Variants in CUL2 observed in about 807,000 individuals in gnomAD.
CUL2 encodes the protein cullin 2, also known as cullin-2.
A neutral mutation model predicts 110.2 loss-of-function variants in CUL2; 22 were observed. The ratio of observed to expected loss-of-function variants is 0.20; its 90% CI spans 0.14 to 0.28. The LOEUF (loss-of-function observed/expected upper bound fraction) is 0.28. Among genes scored for constraint, CUL2 ranks in the 10% least tolerant of loss-of-function variants. The pLI, the probability that CUL2 is intolerant of heterozygous loss-of-function variation, is 1.00. For synonymous variants in CUL2, 279 were observed against 293.2 expected (o/e 0.95, Z 0.49); for missense variants, 631 against 905.5 (o/e 0.70, Z 3.89).
intron 15 of CUL2, 43 bp downstream of exon 15, chr10:35,029,445 T>C (rs745862194): frequency 2.6e-5 from 34 of 1,293,050 alleles, no homozygotes; most frequent in Middle Eastern, 2.7e-4. Flanking sequence ...ATCAACGTAC[T>C]GAAATGATTA....
At chr10:35,019,084 G>T (rs1288876858) in intron 17 of CUL2, among the ~76,000 whole-genome samples, 2 of 152,118 alleles carry the variant, frequency 1.3e-5, no homozygotes, top group African/African-American at 4.8e-5. Context: ...TTTAAGTTTG[G>T]AAAATGTAAG....
chr10:35,047,956 G>T (rs1197401843), intron 6 of CUL2, among the ~76,000 whole-genome samples: 1 of 151,882 alleles, frequency 6.6e-6, no homozygotes, highest in African/African-American at 2.4e-5. Context: ...AGTTAGATTA[G>T]CCCAGATGTG....
At chr10:35,096,884 A>T (rs1237177561) in intron 2 of CUL2, among the ~76,000 whole-genome samples, 2 of 148,328 alleles carry the variant, frequency 1.3e-5, no homozygotes, top group Non-Finnish European at 3.0e-5. Flanking sequence ...ATCTCAGCTC[A>T]CTGCAACCTC....
chr10:35,095,935 G>A (rs2087291723), intron 2 of CUL2, among the ~76,000 whole-genome samples: 2 of 152,098 alleles, frequency 1.3e-5, no homozygotes, highest in African/African-American at 4.8e-5. Context: ...CAGTTTTAAC[G>A]TTTGGAGTGG....
chr10:35,018,513 C>T (rs932749515), intron 17 of CUL2, among the ~76,000 whole-genome samples: 7 of 151,958 alleles, frequency 4.6e-5, no homozygotes, highest in Admixed American at 1.3e-4. Context: ...CCTGTAATCC[C>T]AGCACTTTGG....
intron 1 of CUL2, among the ~76,000 whole-genome samples, chr10:35,101,680 G>C (rs974720508): frequency 3.9e-5 from 6 of 152,158 alleles, no homozygotes; most frequent in African/African-American, 1.4e-4. Context: ...ATCAACTCTT[G>C]TAACTCTTCA....
chr10:35,077,903 CAATT>C (rs1460119204), intron 1 of CUL2, among the ~76,000 whole-genome samples: 6 of 151,646 alleles, frequency 4.0e-5, no homozygotes. Context: ...ATCTGCTTCA[CAATT>C]AAACAGCTTG....
intron 2 of CUL2, among the ~76,000 whole-genome samples, chr10:35,066,436 T>C (rs2086527790): frequency 6.6e-6 from 1 of 151,904 alleles, no homozygotes; most frequent in African/African-American, 2.4e-5. Flanking sequence ...TAGCTGGGAT[T>C]ACAGTTGAGC....
intron 10 of CUL2, 147 bp downstream of exon 10, chr10:35,035,025 C>G: frequency 2.0e-6 from 2 of 986,362 alleles, no homozygotes; most frequent in Non-Finnish European, 2.9e-6. Context: ...CCAACAAATT[C>G]TAGGTTTAAA....
chr10:35,076,555 C>G (rs2086822166), intron 1 of CUL2, among the ~76,000 whole-genome samples: 1 of 152,122 alleles, frequency 6.6e-6, no homozygotes, highest in Admixed American at 6.6e-5. Flanking sequence ...ATCTCAATCT[C>G]TCTCCCACCA....
intron 1 of CUL2, among the ~76,000 whole-genome samples, chr10:35,088,495 G>A (rs550118763): frequency 0.035 from 1,733 of 48,880 alleles, 43 homozygotes; most frequent in African/African-American, 0.094. Flanking sequence ...GCGAGACTCC[G>A]CCTCAAAAAA....
At chr10:35,050,693 C>T (rs2086080472) in intron 5 of CUL2, among the ~76,000 whole-genome samples, 1 of 152,200 alleles carries the variant, frequency 6.6e-6, no homozygotes, top group South Asian at 2.1e-4. Context: ...CATCCTGTTG[C>T]ATAAATATGC....
intron 1 of CUL2, among the ~76,000 whole-genome samples, chr10:35,102,374 C>T (rs542625082): frequency 2.6e-5 from 4 of 152,238 alleles, no homozygotes; most frequent in Admixed American, 2.0e-4. Flanking sequence ...GAGTTCAAGA[C>T]CAGCCTGGCC....
At chr10:35,016,513 A>T (rs2085037321) in intron 17 of CUL2, 119 bp from the exon 18 acceptor site, 1 of 774,296 alleles carries the variant, frequency 1.3e-6, no homozygotes, top group African/African-American at 1.7e-5. Flanking sequence ...AATTGTTGTA[A>T]AGCCACTGCT....
intron 19 of CUL2, among the ~76,000 whole-genome samples, chr10:35,012,658 T>C (rs1369402495): frequency 6.6e-6 from 1 of 152,230 alleles, no homozygotes; most frequent in Non-Finnish European, 1.5e-5. Context: ...TTGCAAATTA[T>C]TATTTATTAG....
In CUL2 at chr10:35,029,634, A is replaced by G; in HGVS notation, c.1393T>C (p.Cys465Arg). Residue 465 changes from cysteine to arginine, a missense_variant, in exon 15 of 21, where the codon TGT becomes CGT. Physicochemically the swap from Cys to Arg is radical, Grantham distance 180. Transcript: ENST00000374749. ...EAMINKLKQACGYEFTSKLHR... is the reference protein window; with the variant it reads ...EAMINKLKQARGYEFTSKLHR... The stretch of plus-strand genomic sequence containing the variant: ...AGCTTGCTGGTAAACTCATAACCAC[A>G]GGCTTGCTATAAAAAAGTTTTAGAA... 6.3e-7 allele frequency: 1 copy of G among 1,582,786 alleles called. No individual in the cohort carries two copies.
At chr10:35,063,412 A>G (rs2086434566) in intron 2 of CUL2, among the ~76,000 whole-genome samples, 1 of 152,208 alleles carries the variant, frequency 6.6e-6, no homozygotes, top group South Asian at 2.1e-4. Context: ...TAGTATCAAT[A>G]GTATCAATGA....
chr10:35,084,732 G>A (rs149665948), intron 1 of CUL2, among the ~76,000 whole-genome samples: 31 of 152,146 alleles, frequency 2.0e-4, no homozygotes, highest in African/African-American at 7.2e-5. Context: ...ATTCCAAATC[G>A]CTGCTTGTTT....
chr10:35,032,613 C>T (rs2085506535), intron 11 of CUL2, 119 bp from the exon 12 acceptor site: 1 of 658,692 alleles, frequency 1.5e-6, no homozygotes, highest in Non-Finnish European at 2.5e-6. Flanking sequence ...CACAGCATTG[C>T]CGGTAGTTTG....
Sources: allele counts gnomAD v4.1 joint callset (sites outside exome capture counted in the v4.1 genomes callset), GRCh38; gene constraint gnomAD v4.1.1; transcripts MANE v1.5; gene names NCBI Gene and HGNC (gene_info 2026-07-23, HGNC 2026-07-21).